Variants in KHDRBS2 observed in about 807,000 individuals in gnomAD.
KHDRBS2 encodes KH RNA binding domain containing, signal transduction associated 2, also known as KH domain-containing, RNA-binding, signal transduction-associated protein 2.
KHDRBS2 carries 26 observed loss-of-function variants against 44.3 expected under a neutral mutation model. The observed-to-expected ratio is 0.59, with a 90% CI of 0.43 to 0.81. The LOEUF is 0.81. Ranked by LOEUF, KHDRBS2 falls within the 40% of genes least tolerant of loss-of-function variation. The pLI is 0.00. For missense variants in KHDRBS2, 476 were observed against 433.1 expected (o/e 1.10, Z -0.88); for synonymous variants, 194 against 151.1 (o/e 1.28, Z -2.08).
the KHDRBS2 span, among the ~76,000 whole-genome samples, chr6:61,661,937 C>T: frequency 1.6e-4 from 24 of 151,656 alleles, no homozygotes; most frequent in East Asian, 5.9e-4. Flanking sequence ...CCCGCATCGC[C>T]AAGCCAATCC....
the KHDRBS2 span, among the ~76,000 whole-genome samples, chr6:61,667,341 G>A: frequency 1.3e-5 from 2 of 150,824 alleles, no homozygotes; most frequent in African/African-American, 2.4e-5. Context: ...ATTTATGACT[G>A]TCTCACATTT....
At chr6:62,007,869 G>C (rs1779552429) in intron 3 of KHDRBS2, among the ~76,000 whole-genome samples, 1 of 152,076 alleles carries the variant, frequency 6.6e-6, no homozygotes, top group Non-Finnish European at 1.5e-5. Flanking sequence ...CAATAAACTA[G>C]AACACATATG....
intron 1 of KHDRBS2, among the ~76,000 whole-genome samples, chr6:62,252,517 A>C (rs1836721268): frequency 6.6e-6 from 1 of 151,870 alleles, no homozygotes; most frequent in Non-Finnish European, 1.5e-5. Flanking sequence ...TTCCAACCAA[A>C]CAGATTATGT....
intron 3 of KHDRBS2, among the ~76,000 whole-genome samples, chr6:62,032,493 G>A (rs557474466): frequency 4.1e-4 from 62 of 151,288 alleles, no homozygotes; most frequent in African/African-American, 1.4e-3. Context: ...CCTTGTGATC[G>A]TGTGAGTTAA....
At chr6:61,717,500 A>G (rs1312057221) in intron 7 of KHDRBS2, among the ~76,000 whole-genome samples, 3 of 152,126 alleles carry the variant, frequency 2.0e-5, no homozygotes, top group Non-Finnish European at 4.4e-5. Flanking sequence ...TGGGAAAGTA[A>G]TTAAATCCAA....
intron 1 of KHDRBS2, among the ~76,000 whole-genome samples, chr6:62,189,990 T>C (rs1247258348): frequency 1.3e-5 from 2 of 152,054 alleles, no homozygotes; most frequent in African/African-American, 2.4e-5. Flanking sequence ...TAGCATATGA[T>C]TGATGCTCGA....
the KHDRBS2 span, among the ~76,000 whole-genome samples, chr6:61,610,132 C>T: frequency 3.3e-5 from 5 of 152,046 alleles, no homozygotes; most frequent in East Asian, 1.9e-4. Flanking sequence ...GCCAAGATCA[C>T]GCCACTCCAC....
At chr6:61,805,785 A>T (rs1201164095) in intron 6 of KHDRBS2, among the ~76,000 whole-genome samples, 1 of 152,200 alleles carries the variant, frequency 6.6e-6, no homozygotes, top group African/African-American at 2.4e-5. Context: ...AACAACCTCT[A>T]TGATCTAATC....
chr6:62,077,084 A>C (rs148442761), intron 2 of KHDRBS2, among the ~76,000 whole-genome samples: 1,772 of 152,154 alleles, frequency 0.012, 34 homozygotes, highest in African/African-American at 0.04. Context: ...ATTTACTCCA[A>C]GATCTTGCAG....
At chr6:62,167,683 T>C (rs897011515) in intron 2 of KHDRBS2, among the ~76,000 whole-genome samples, 4 of 152,164 alleles carry the variant, frequency 2.6e-5, no homozygotes, top group Non-Finnish European at 4.4e-5. Flanking sequence ...CTCTCTTCCA[T>C]TTACTTTAGA....
intron 8 of KHDRBS2, among the ~76,000 whole-genome samples, chr6:61,689,970 G>A (rs1221951373): frequency 2.0e-5 from 3 of 152,010 alleles, no homozygotes; most frequent in Non-Finnish European, 4.4e-5. Flanking sequence ...TGCCTATTCT[G>A]TTTTAGTCCA....
chr6:61,566,698 C>T, the KHDRBS2 span, among the ~76,000 whole-genome samples: 1 of 96,548 alleles, frequency 1.0e-5, no homozygotes, highest in Non-Finnish European at 2.4e-5. Flanking sequence ...AGGTGGTTTC[C>T]ATAACTTTAA....
chr6:62,119,967 A>G (rs945702575), intron 2 of KHDRBS2, among the ~76,000 whole-genome samples: 8 of 152,258 alleles, frequency 5.3e-5, no homozygotes, highest in African/African-American at 1.9e-4. Flanking sequence ...CCCCAAAAGA[A>G]CTGCTTGAGT....
intron 6 of KHDRBS2, among the ~76,000 whole-genome samples, chr6:61,864,237 C>G (rs1040992201): frequency 1.3e-5 from 2 of 152,086 alleles, no homozygotes; most frequent in African/African-American, 4.8e-5. Context: ...CAGCTTGCCA[C>G]TCTGTGTCTT....
At position 61,993,475 on chromosome 6, in the gene KHDRBS2, G is replaced by T. The variant is rs531377765; in HGVS notation, c.337-15263C>A. On this transcript the variant is annotated intron_variant, in intron 3 of 8. Transcript: ENST00000281156. ...GAAGAGATATAAAAATATTAATAGA[G>T]TCTGCAAAGTTTTAATCCAATCTCT... 2.0e-4 allele frequency among the ~76,000 whole-genome samples: 30 copies of T among 151,254 alleles called. 1 individual carries two copies. Among genetic ancestry groups the T allele is most frequent in the Non-Finnish European group, 3.8e-4 (26 of 67,828 alleles).
intron 2 of KHDRBS2, among the ~76,000 whole-genome samples, chr6:62,056,859 C>T (rs1790397862): frequency 6.6e-6 from 1 of 151,942 alleles, no homozygotes; most frequent in South Asian, 2.1e-4. Flanking sequence ...GTGGTACTTA[C>T]TTTCAGAATT....
the KHDRBS2 span, among the ~76,000 whole-genome samples, chr6:61,594,208 CT>C: frequency 6.6e-6 from 1 of 151,052 alleles, no homozygotes; most frequent in Non-Finnish European, 1.5e-5. Flanking sequence ...TTTCTTAACT[CT>C]AGAAAAGAAA....
At chr6:62,063,204 G>A (rs1450835014) in intron 2 of KHDRBS2, among the ~76,000 whole-genome samples, 1 of 127,966 alleles carries the variant, frequency 7.8e-6, no homozygotes, top group Admixed American at 8.0e-5. Flanking sequence ...AGAGGTACAC[G>A]GAGGAACTGG....
intron 4 of KHDRBS2, among the ~76,000 whole-genome samples, chr6:61,929,688 T>TA (rs1238305380): frequency 6.6e-6 from 1 of 152,094 alleles, no homozygotes; most frequent in Non-Finnish European, 1.5e-5. Flanking sequence ...TCCTGAAATA[T>TA]AACAAAAAAC....
Sources: gnomAD v4.1 joint callset for allele counts (sites outside exome capture counted in the v4.1 genomes callset) on GRCh38, gnomAD v4.1.1 for gene constraint, MANE v1.5 for transcripts, NCBI Gene and HGNC (gene_info 2026-07-23, HGNC 2026-07-21) for gene names.